Variants in IMMP1L observed in about 807,000 individuals in gnomAD.
The protein encoded by IMMP1L is inner mitochondrial membrane peptidase subunit 1.
IMMP1L carries 24 observed loss-of-function variants against 21.8 expected under a neutral mutation model. The observed-to-expected ratio is 1.10, with a 90% CI of 0.80 to 1.55. IMMP1L has a LOEUF of 1.55. Ranked by LOEUF, IMMP1L falls within the 40% of genes most tolerant of loss-of-function variation. The pLI is 0.00. For synonymous variants in IMMP1L, 46 were observed against 62.8 expected (o/e 0.73, Z 1.26); for missense variants, 195 against 200.7 (o/e 0.97, Z 0.17).
chr11:31,505,694 C>A (rs983955239), intron 1 of IMMP1L, among the ~76,000 whole-genome samples: 2 of 152,200 alleles, frequency 1.3e-5, no homozygotes, highest in African/African-American at 4.8e-5. Context: ...CTCCCACCTT[C>A]TCTGTCTCTG....
At chr11:31,483,687 A>G (rs1954976496) in intron 1 of IMMP1L, among the ~76,000 whole-genome samples, 1 of 151,928 alleles carries the variant, frequency 6.6e-6, no homozygotes, top group Non-Finnish European at 1.5e-5. Flanking sequence ...TATACAGAAT[A>G]TATGATTGCC....
Position 31,489,053 on chromosome 11 carries a change from T to C in IMMP1L, c.-30+20466A>G, listed in dbSNP as rs576901151. ...CTGGGACTACAGGTACCCGCCACCA[T>C]GCCCAGCTAATTTTTTTGTATTTTT... On this transcript the variant is annotated intron_variant, in intron 1 of 5. Coordinates refer to ENST00000532287, the MANE Select transcript of IMMP1L (RefSeq NM_001304274.2). Among the ~76,000 whole-genome samples the C allele has an allele frequency of 1.2e-4, 18 of 151,986 alleles. No homozygotes were observed. The South Asian group carries it at 3.7e-3, about 32-fold the overall frequency.
intron 4 of IMMP1L, among the ~76,000 whole-genome samples, chr11:31,434,533 C>G (rs1591932891): frequency 6.6e-6 from 1 of 151,984 alleles, no homozygotes; most frequent in Non-Finnish European, 1.5e-5. Flanking sequence ...ATTCTTTTGA[C>G]TGGTTTTACT....
intron 4 of IMMP1L, 61 bp downstream of exon 4, chr11:31,456,198 AG>A: frequency 8.6e-7 from 1 of 1,165,696 alleles, no homozygotes; most frequent in South Asian, 1.7e-5. Flanking sequence ...TTCTTTTGTC[AG>A]CACTCAGTTA....
In IMMP1L at chr11:31,463,521, T is replaced by C. The variant is rs190213281; in HGVS notation, c.-29-216A>G. On this transcript the variant is annotated intron_variant, in intron 1 of 5. Transcript: ENST00000532287. The stretch of plus-strand genomic sequence containing the variant: ...ATTTACCAAAGTTTATATTCAAATG[T>C]CACTGGGTCTACATATGAATTATAT... 3.2e-3 allele frequency among the ~76,000 whole-genome samples: 483 copies of C among 152,300 alleles called. 3 individuals carry two copies. Among genetic ancestry groups the C allele is most frequent in the African/African-American group, 0.011 (448 of 41,562 alleles).
At chr11:31,491,114 T>C (rs1179409251) in intron 1 of IMMP1L, among the ~76,000 whole-genome samples, 1 of 152,236 alleles carries the variant, frequency 6.6e-6, no homozygotes, top group Non-Finnish European at 1.5e-5. Flanking sequence ...AAGTTTTTGT[T>C]CATTTGTTAT....
At chr11:31,496,742 T>C (rs1955450794) in intron 1 of IMMP1L, among the ~76,000 whole-genome samples, 1 of 148,948 alleles carries the variant, frequency 6.7e-6, no homozygotes, top group Admixed American at 6.7e-5. Flanking sequence ...GATGTTAATA[T>C]GTTATAATTT....
intron 1 of IMMP1L, among the ~76,000 whole-genome samples, chr11:31,481,241 G>A (rs974311312): frequency 6.6e-6 from 1 of 152,110 alleles, no homozygotes; most frequent in East Asian, 1.9e-4. Flanking sequence ...ATGATCTATT[G>A]TGAACCCAAT....
chr11:31,497,709 CAA>C (rs1018119548), intron 1 of IMMP1L, among the ~76,000 whole-genome samples: 2 of 152,100 alleles, frequency 1.3e-5, no homozygotes, highest in African/African-American at 4.8e-5. Context: ...ATCCGCCTGC[CAA>C]AGTGTTGGGA....
chr11:31,455,241 T>C (rs1236243924), intron 4 of IMMP1L, among the ~76,000 whole-genome samples: 1 of 152,226 alleles, frequency 6.6e-6, no homozygotes, highest in Non-Finnish European at 1.5e-5. Context: ...TATTCAACTA[T>C]GTGTTTACAT....
At chr11:31,504,648 C>T (rs1318134252) in intron 1 of IMMP1L, among the ~76,000 whole-genome samples, 1 of 152,154 alleles carries the variant, frequency 6.6e-6, no homozygotes, top group Non-Finnish European at 1.5e-5. Context: ...TATCCAAATC[C>T]CTTCTAACAG....
At chr11:31,507,161 C>G (rs1955803755) in intron 1 of IMMP1L, among the ~76,000 whole-genome samples, 1 of 151,722 alleles carries the variant, frequency 6.6e-6, no homozygotes, top group South Asian at 2.1e-4. Context: ...CGCCTGTAGT[C>G]CCAGCTACTC....
At chr11:31,472,623 T>C (rs888921398) in intron 1 of IMMP1L, among the ~76,000 whole-genome samples, 6 of 152,282 alleles carry the variant, frequency 3.9e-5, no homozygotes, top group African/African-American at 1.2e-4. Context: ...AACTGAGTCA[T>C]TAATGTAGAG....
chr11:31,471,345 A>G (rs908897515), intron 1 of IMMP1L, among the ~76,000 whole-genome samples: 1 of 152,134 alleles, frequency 6.6e-6, no homozygotes, highest in African/African-American at 2.4e-5. Flanking sequence ...TTCCCTCTGA[A>G]GTGTTCCCTG....
intron 1 of IMMP1L, among the ~76,000 whole-genome samples, chr11:31,473,380 C>A (rs997844217): frequency 1.3e-5 from 2 of 152,062 alleles, no homozygotes; most frequent in African/African-American, 2.4e-5. Context: ...GATAAAGAAA[C>A]TGAGGAGCAG....
In IMMP1L at chr11:31,433,529, C is replaced by G. The variant is rs771525870; in HGVS notation, c.363G>C (p.Gln121His). The G allele has an allele frequency of 6.2e-7, 1 of 1,611,988 alleles. No homozygotes were observed. Among genetic ancestry groups the G allele is most frequent in the South Asian group, 1.1e-5 (1 of 90,884 alleles). Reference sequence around the variant, plus strand: ...CATAGCACCTGGAATCTGTAGAATTCTGTAGATTGTCACCTTCTAACCAAA... The same window carrying G: ...CATAGCACCTGGAATCTGTAGAATTGTGTAGATTGTCACCTTCTAACCAAA... ...GHVWLEGDNLQNSTDSRCYGP... is the reference protein window; with the variant it reads ...GHVWLEGDNLHNSTDSRCYGP... The change falls in exon 5 of 6, where the codon CAG (glutamine) becomes CAC (histidine). Residue 121 changes from glutamine (Q) to histidine (H), a missense_variant. By Grantham distance (24) the Gln-to-His change is conservative. Transcript: ENST00000532287.
intron 4 of IMMP1L, among the ~76,000 whole-genome samples, chr11:31,453,775 GC>G (rs1953842465): frequency 6.6e-6 from 1 of 152,080 alleles, no homozygotes; most frequent in Non-Finnish European, 1.5e-5. Flanking sequence ...AACCAATACT[GC>G]CCCTGATCAG....
intron 4 of IMMP1L, among the ~76,000 whole-genome samples, chr11:31,434,053 AAAT>A (rs1256708240): frequency 1.2e-4 from 19 of 152,310 alleles, no homozygotes; most frequent in African/African-American, 4.3e-4. Flanking sequence ...CATCAATTAC[AAAT>A]AATCTCATCA....
chr11:31,459,550 T>A (rs1358861547), intron 3 of IMMP1L, among the ~76,000 whole-genome samples: 1 of 152,124 alleles, frequency 6.6e-6, no homozygotes, highest in South Asian at 2.1e-4. Context: ...TAGAGTTAAT[T>A]GGAATAAAGG....
Sources: gnomAD v4.1 joint callset for allele counts (sites outside exome capture counted in the v4.1 genomes callset) on GRCh38, gnomAD v4.1.1 for gene constraint, MANE v1.5 for transcripts, NCBI Gene and HGNC (gene_info 2026-07-23, HGNC 2026-07-21) for gene names.